Variants in AFG1L observed in about 807,000 individuals in gnomAD.
AFG1L encodes AFG1-like ATPase.
In AFG1L, 53 loss-of-function variants were observed where a neutral mutation model predicts 62.2. The ratio of observed to expected loss-of-function variants is 0.85; its 90% CI spans 0.68 to 1.07. The LOEUF is 1.07. AFG1L is among the 50% of genes least tolerant of loss of function. AFG1L has a pLI of 0.00. For synonymous variants in AFG1L, 228 were observed against 210.3 expected, an observed-to-expected ratio of 1.08 and a Z score of -0.73; for missense variants, 555 against 590.5, an observed-to-expected ratio of 0.94 and a Z score of 0.62.
intron 10 of AFG1L, among the ~76,000 whole-genome samples, chr6:108,491,975 A>G (rs1435231866): frequency 6.6e-6 from 1 of 152,220 alleles, no homozygotes; most frequent in African/African-American, 2.4e-5. Flanking sequence ...AAAACAAACA[A>G]AAACAACAGC....
intron 7 of AFG1L, among the ~76,000 whole-genome samples, chr6:108,424,831 A>G (rs1234176088): frequency 3.3e-5 from 5 of 152,106 alleles, no homozygotes; most frequent in African/African-American, 7.2e-5. Flanking sequence ...GGACTCCTGT[A>G]TGTGTTTACA....
At chr6:108,497,568 G>A (rs978182799) in intron 10 of AFG1L, among the ~76,000 whole-genome samples, 3 of 151,666 alleles carry the variant, frequency 2.0e-5, no homozygotes, top group South Asian at 2.1e-4. Context: ...ATTCTAAAAC[G>A]ATACCACAAA....
chr6:108,367,103 A>G (rs543731444), intron 6 of AFG1L, among the ~76,000 whole-genome samples: 11 of 152,176 alleles, frequency 7.2e-5, no homozygotes, highest in African/African-American at 2.6e-4. Flanking sequence ...TCTTTTACCC[A>G]TAGCACTATG....
At chr6:108,421,477 C>G (rs1770586736) in intron 7 of AFG1L, among the ~76,000 whole-genome samples, 1 of 152,098 alleles carries the variant, frequency 6.6e-6, no homozygotes, top group African/African-American at 2.4e-5. Context: ...CGTTGTCTCT[C>G]TGCCCTTAGC....
chr6:108,319,161 G>A (rs990105367), intron 1 of AFG1L, among the ~76,000 whole-genome samples: 2 of 152,136 alleles, frequency 1.3e-5, no homozygotes, highest in Non-Finnish European at 2.9e-5. Flanking sequence ...CTCTCCAAAG[G>A]CAGATGCCAA....
intron 6 of AFG1L, among the ~76,000 whole-genome samples, chr6:108,384,108 C>G (rs1226213679): frequency 6.8e-6 from 1 of 146,160 alleles, no homozygotes; most frequent in Non-Finnish European, 1.5e-5. Flanking sequence ...GGAAAGACAA[C>G]ACTTGGAAGA....
At chr6:108,512,240 T>G (rs1463381671) in intron 11 of AFG1L, among the ~76,000 whole-genome samples, 1 of 152,104 alleles carries the variant, frequency 6.6e-6, no homozygotes, top group East Asian at 1.9e-4. Flanking sequence ...GTAACCAGCA[T>G]GGGGAGTTTG....
chr6:108,296,921 T>C (rs1483886387), intron 1 of AFG1L, among the ~76,000 whole-genome samples: 3 of 152,172 alleles, frequency 2.0e-5, no homozygotes, highest in African/African-American at 7.2e-5. Flanking sequence ...GCTGAAGTTA[T>C]ATGGCTAGTA....
chr6:108,442,888 C>T (rs551546810), intron 7 of AFG1L, among the ~76,000 whole-genome samples: 1 of 152,192 alleles, frequency 6.6e-6, no homozygotes, highest in East Asian at 1.9e-4. Context: ...TCTCCTGAGC[C>T]CCTTAGCACC....
At chr6:108,448,010 T>G (rs1771888284) in intron 8 of AFG1L, among the ~76,000 whole-genome samples, 1 of 152,202 alleles carries the variant, frequency 6.6e-6, no homozygotes, top group East Asian at 1.9e-4. Flanking sequence ...CTAAAAGGCA[T>G]GTTTCTGGTA....
chr6:108,452,836 T>C (rs545171437), intron 8 of AFG1L, among the ~76,000 whole-genome samples: 1 of 152,266 alleles, frequency 6.6e-6, no homozygotes, highest in East Asian at 1.9e-4. Flanking sequence ...CAGTGAATTG[T>C]GTTACAGGAA....
chr6:108,319,492 TG>T (rs903677808), intron 1 of AFG1L: 4 of 155,652 alleles, frequency 2.6e-5, no homozygotes, highest in Admixed American at 6.5e-5. Flanking sequence ...TTTCCCAGGC[TG>T]GTCTCGAGCT....
At chr6:108,347,891 C>G (rs910817939) in intron 3 of AFG1L, among the ~76,000 whole-genome samples, 3 of 152,050 alleles carry the variant, frequency 2.0e-5, no homozygotes, top group Non-Finnish European at 4.4e-5. Flanking sequence ...CTGGCATACT[C>G]AAAACTCACA....
At chr6:108,348,439 TC>T (rs1469810300) in intron 3 of AFG1L, among the ~76,000 whole-genome samples, 8 of 152,372 alleles carry the variant, frequency 5.3e-5, no homozygotes, top group African/African-American at 1.9e-4. Context: ...TCCTTCTTTT[TC>T]TAATTTGTTT....
intron 7 of AFG1L, among the ~76,000 whole-genome samples, chr6:108,422,940 A>G (rs531779787): frequency 9.6e-4 from 146 of 152,182 alleles, no homozygotes; most frequent in African/African-American, 3.5e-3. Flanking sequence ...TGCCATTTGT[A>G]GAATAAAGTA....
intron 7 of AFG1L, among the ~76,000 whole-genome samples, chr6:108,431,630 TGCTGTTGTAACCCAG>T (rs1771081690): frequency 6.8e-6 from 1 of 148,076 alleles, no homozygotes; most frequent in Non-Finnish European, 1.5e-5. Flanking sequence ...GACTGAGTTT[TGCTGTTGTAACCCAG>T]GCTGGAGTGC....
intron 1 of AFG1L, among the ~76,000 whole-genome samples, chr6:108,306,615 C>T (rs1365368645): frequency 6.6e-6 from 1 of 152,210 alleles, no homozygotes; most frequent in Non-Finnish European, 1.5e-5. Context: ...TTCATTCATT[C>T]ATTTTCCAAG....
chr6:108,350,086 G>A (rs867026662), intron 3 of AFG1L, among the ~76,000 whole-genome samples: 5 of 151,238 alleles, frequency 3.3e-5, no homozygotes, highest in Non-Finnish European at 5.9e-5. Flanking sequence ...GCCGGGTGTG[G>A]TGGTGGGTGC....
rs1774287014 is a variant in AFG1L, at chr6:108,503,570, G to GCAC, written c.1063-6642_1063-6641insCAC. ...GATGTGCTGTCATCCAGGCTTTGTTGTTCCATTTTTAGGGCACAGGCAGAG... is the reference window on the plus strand; with the variant it reads ...GATGTGCTGTCATCCAGGCTTTGTTGCACTTCCATTTTTAGGGCACAGGCAGAG... On this transcript the variant is annotated intron_variant, in intron 10 of 12. Transcript: ENST00000368977. Among the ~76,000 whole-genome samples the GCAC allele has an allele frequency of 3.9e-5, 6 of 152,328 alleles. No homozygotes were observed. The South Asian group carries it at 1.2e-3, about 32-fold the overall frequency.
Sources: gnomAD v4.1 joint callset for allele counts (sites outside exome capture counted in the v4.1 genomes callset) on GRCh38, gnomAD v4.1.1 for gene constraint, MANE v1.5 for transcripts, NCBI Gene and HGNC (gene_info 2026-07-23, HGNC 2026-07-21) for gene names.